The following PRKCQ variants were observed in gnomAD, a reference collection of about 807,000 sequenced individuals.
PRKCQ encodes the protein protein kinase C theta type.
Under a neutral mutation model 91.2 loss-of-function variants are expected in PRKCQ, and 41 were observed. The observed-to-expected ratio is 0.45, with a 90% CI of 0.35 to 0.58. The LOEUF is 0.58. Among genes scored for constraint, PRKCQ ranks in the 20% least tolerant of loss-of-function variants. The pLI is 0.00. For synonymous variants in PRKCQ, 307 were observed against 316.9 expected (o/e 0.97, Z 0.33); for missense variants, 673 against 896.5 (o/e 0.75, Z 3.18).
intron 15 of PRKCQ, among the ~76,000 whole-genome samples, chr10:6,446,357 G>GTTTTTTTTTTTTTTTTTTTTTTT (rs66839272): frequency 1.3e-5 from 1 of 79,600 alleles, no homozygotes; most frequent in Non-Finnish European, 2.3e-5. Flanking sequence ...ACTATGCTCA[G>GTTTTTTTTTTTTTTTTTTTTTTT]TTTTTTTTTT....
chr10:6,475,794 T>C (rs747924587), intron 12 of PRKCQ, among the ~76,000 whole-genome samples: 6 of 152,204 alleles, frequency 3.9e-5, no homozygotes, highest in Non-Finnish European at 8.8e-5. Context: ...CAAGCAAGGT[T>C]TGAATAATTA....
chr10:6,517,601 T>C (rs1838821594), intron 1 of PRKCQ, among the ~76,000 whole-genome samples: 3 of 142,300 alleles, frequency 2.1e-5, no homozygotes, highest in African/African-American at 7.8e-5. Flanking sequence ...TTTTTTTTTT[T>C]TTTTTTTTTT....
intron 1 of PRKCQ, among the ~76,000 whole-genome samples, chr10:6,569,358 G>A (rs946262929): frequency 5.3e-5 from 8 of 151,860 alleles, no homozygotes; most frequent in African/African-American, 9.7e-5. Context: ...TTGAGCAGAC[G>A]TCCACGAGAT....
At chr10:6,514,892 C>G (rs574521) in intron 2 of PRKCQ, 126 bp downstream of exon 2, 3 of 1,476,360 alleles carry the variant, frequency 2.0e-6, no homozygotes, top group African/African-American at 2.8e-5. Context: ...TGGGCATCAG[C>G]GTCCTAAATG....
downstream of PRKCQ, among the ~76,000 whole-genome samples, chr10:6,426,239 A>T (rs990743237): frequency 1.3e-5 from 2 of 152,122 alleles, no homozygotes; most frequent in Non-Finnish European, 2.9e-5. Flanking sequence ...CCATCACTCT[A>T]GTGAGACGGG....
the PRKCQ span, among the ~76,000 whole-genome samples, chr10:6,400,524 G>A: frequency 2.6e-5 from 4 of 151,880 alleles, no homozygotes; most frequent in Non-Finnish European, 4.4e-5. Context: ...AACACACAGC[G>A]AGAGCTGGAT....
chr10:6,550,528 C>A (rs542004874), intron 1 of PRKCQ, among the ~76,000 whole-genome samples: 3 of 152,360 alleles, frequency 2.0e-5, no homozygotes, highest in African/African-American at 7.2e-5. Flanking sequence ...CCTGCCTCAG[C>A]CTCCCAAAGT....
intron 1 of PRKCQ, 79 bp downstream of exon 1, chr10:6,580,132 C>T (rs11259670): frequency 0.52 from 79,587 of 152,298 alleles, 24,334 homozygotes; most frequent in South Asian, 0.72. Context: ...CCGAGGGGCC[C>T]GGGTAGCCCT....
chr10:6,519,104 G>T (rs999659903), intron 1 of PRKCQ, among the ~76,000 whole-genome samples: 3 of 152,208 alleles, frequency 2.0e-5, no homozygotes, highest in African/African-American at 7.2e-5. Context: ...GATGTGTAAT[G>T]AATACACAAG....
At chr10:6,529,715 C>T (rs138030562) in intron 1 of PRKCQ, among the ~76,000 whole-genome samples, 1 of 152,296 alleles carries the variant, frequency 6.6e-6, no homozygotes, top group Non-Finnish European at 1.5e-5. Flanking sequence ...CAGTCTTGGA[C>T]AAGTGACTTA....
intron 12 of PRKCQ, among the ~76,000 whole-genome samples, chr10:6,473,533 G>A (rs931681789): frequency 3.9e-5 from 6 of 152,246 alleles, no homozygotes; most frequent in African/African-American, 1.2e-4. Context: ...GGATCAGAAC[G>A]CCGCCAGAGG....
chr10:6,486,477 C>T (rs1162872428), intron 8 of PRKCQ, among the ~76,000 whole-genome samples: 1 of 152,164 alleles, frequency 6.6e-6, no homozygotes, highest in East Asian at 1.9e-4. Flanking sequence ...CCAGACGTTA[C>T]CACCCTTTTT....
In PRKCQ at chr10:6,497,027, A is replaced by C. The variant is rs1837657547; in HGVS notation, c.660+8T>G. Reference sequence around the variant, plus strand: ...CACTGCACGTCAAAGAGGAGTGTAAATACTCACCATGGTTTCTCGGCTATT... The same window carrying C: ...CACTGCACGTCAAAGAGGAGTGTAACTACTCACCATGGTTTCTCGGCTATT... On this transcript the variant is annotated splice_region_variant and intron_variant, in intron 7 of 17. Coordinates refer to ENST00000263125, the MANE Select transcript of PRKCQ (RefSeq NM_006257.5). The surrounding 1 kb of genome is among the most constrained non-coding windows in gnomAD (Gnocchi z 4.5). 6.2e-7 allele frequency: 1 copy of C among 1,609,760 alleles called. No individual in the cohort carries two copies. The highest frequency in any genetic ancestry group is 8.5e-7 in the Non-Finnish European group (1 of 1,177,534).
At position 6,517,802 on chromosome 10, in the gene PRKCQ, C is replaced by A. The variant is rs566673235; in HGVS notation, c.-9-2658G>T. On this transcript the variant is annotated intron_variant, in intron 1 of 17. Transcript: ENST00000263125. ...GGTTAGTGTAACAGAAGTAAGTAAACGCCATTCTTACATAATATGGGTATA... is the reference window on the plus strand; with the variant it reads ...GGTTAGTGTAACAGAAGTAAGTAAAAGCCATTCTTACATAATATGGGTATA... Among the ~76,000 whole-genome samples the A allele has an allele frequency of 1.8e-4, 25 of 138,858 alleles. No homozygotes were observed. The South Asian group carries it at 4.9e-3, about 27-fold the overall frequency. The allele number at this position is 138,858 out of a possible 152,430, so 91.1% of individuals were successfully genotyped here. A position where few individuals can be genotyped will look rare whatever the true frequency, so the allele number is the denominator to read the frequency against.
chr10:6,486,083 G>A lies in PRKCQ; in HGVS notation c.852C>T (p.Asn284=), dbSNP rs758032733. ...CCAGCGCTTCAGCCATTAGCTTCTG[G>A]TTTATGCCACAAAGGTTGGCCACCT... ...QTKVANLCGI[N]QKLMAEALAM... is the part of the protein sequence containing the mutation. The change falls in exon 9 of 18, where the codon AAC becomes AAT. Residue 284 remains asparagine (N), a synonymous_variant. Transcript: ENST00000263125. 17 of 1,614,074 alleles carry A rather than the reference G, an allele frequency of 1.1e-5. No individual in the cohort carries two copies. Among genetic ancestry groups the A allele is most frequent in the Non-Finnish European group, 1.4e-5 (16 of 1,180,052 alleles).
chr10:6,555,933 C>T (rs184168566), intron 1 of PRKCQ, among the ~76,000 whole-genome samples: 4 of 152,022 alleles, frequency 2.6e-5, no homozygotes, highest in African/African-American at 9.7e-5. Context: ...CGCTTGAAAC[C>T]GGGAGGCAGA....
chr10:6,445,201 A>G (rs1834212582), intron 15 of PRKCQ, among the ~76,000 whole-genome samples: 1 of 149,274 alleles, frequency 6.7e-6, no homozygotes, highest in Non-Finnish European at 1.5e-5. Context: ...GATGTCGGTG[A>G]GCTTTTTTAG....
intron 12 of PRKCQ, among the ~76,000 whole-genome samples, chr10:6,469,832 T>A (rs1428793964): frequency 6.6e-6 from 1 of 152,034 alleles, no homozygotes; most frequent in Non-Finnish European, 1.5e-5. Context: ...TAGTTGTCAA[T>A]GGAATATTAC....
chr10:6,461,226 C>T (rs1835333018), intron 14 of PRKCQ, among the ~76,000 whole-genome samples: 1 of 151,874 alleles, frequency 6.6e-6, no homozygotes, highest in Non-Finnish European at 1.5e-5. Flanking sequence ...CCCATCCATC[C>T]ATCCAAATAT....
Sources: gnomAD v4.1 joint callset for allele counts (sites outside exome capture counted in the v4.1 genomes callset) on GRCh38, gnomAD v4.1.1 for gene constraint, Gnocchi (gnomAD v3.1) non-coding constraint, MANE v1.5 for transcripts, NCBI Gene and HGNC (gene_info 2026-07-23, HGNC 2026-07-21) for gene names.